PRICKLE2: variants seen among roughly 807,000 people sequenced by gnomAD.
PRICKLE2 encodes the protein prickle-like protein 2.
PRICKLE2 carries 21 observed loss-of-function variants against 81.4 expected under a neutral mutation model. That is an observed-to-expected ratio of 0.26 (90% CI 0.18 to 0.37). The LOEUF (loss-of-function observed/expected upper bound fraction) is 0.37. PRICKLE2 is among the 10% of genes least tolerant of loss of function. The pLI is 1.00. For missense variants in PRICKLE2, 940 were observed against 1,109.0 expected, an observed-to-expected ratio of 0.85 and a Z score of 2.16; for synonymous variants, 456 against 421.5, an observed-to-expected ratio of 1.08 and a Z score of -1.00.
At chr3:64,257,984 T>C (rs1485644782) in intron 2 of PRICKLE2, among the ~76,000 whole-genome samples, 1 of 152,192 alleles carries the variant, frequency 6.6e-6, no homozygotes, top group Non-Finnish European at 1.5e-5. Context: ...TCACCATCTA[T>C]GAACCAGAAA....
At chr3:64,226,786 C>T (rs1410309544), upstream of PRICKLE2, among the ~76,000 whole-genome samples, 4 of 152,122 alleles carry the variant, frequency 2.6e-5, no homozygotes, top group Non-Finnish European at 2.9e-5. Context: ...TGCAGTATCC[C>T]GGGCCAGGAG....
chr3:64,246,077 G>C (rs942677907), intron 2 of PRICKLE2, among the ~76,000 whole-genome samples: 2 of 151,946 alleles, frequency 1.3e-5, no homozygotes, highest in Non-Finnish European at 2.9e-5. Flanking sequence ...AAACCCCTCT[G>C]CAAAAAACAC....
At chr3:64,185,190 A>C (rs112857706) in intron 2 of PRICKLE2, among the ~76,000 whole-genome samples, 1,752 of 152,308 alleles carry the variant, frequency 0.012, 34 homozygotes, top group African/African-American at 0.04. Flanking sequence ...GGATCCAGTG[A>C]GGATGGAGAC....
chr3:64,251,331 T>C (rs1041598640), intron 2 of PRICKLE2, among the ~76,000 whole-genome samples: 5 of 152,116 alleles, frequency 3.3e-5, no homozygotes, highest in Non-Finnish European at 7.4e-5. Context: ...CATCTGAGTG[T>C]CAAAAACAAT....
intron 7 of PRICKLE2, among the ~76,000 whole-genome samples, chr3:64,134,331 C>T (rs74967139): frequency 8.8e-4 from 134 of 152,300 alleles, no homozygotes; most frequent in African/African-American, 3.0e-3. Flanking sequence ...TCCGAAGCAT[C>T]CAGCTGAGGA....
At position 64,174,645 on chromosome 3, in the gene PRICKLE2, G is replaced by C. The variant is rs568172265; in HGVS notation, c.145-11516C>G. On this transcript the variant is annotated intron_variant, in intron 2 of 7. Coordinates refer to ENST00000638394, the MANE Select transcript of PRICKLE2 (RefSeq NM_198859.4). The stretch of plus-strand genomic sequence containing the variant: ...AGAGTTCAAAGATCTAAGCCTTGAT[G>C]ATAATGAGGGGAAATGTTTGGTGCT... 48 of 195,088 alleles carry C rather than the reference G, an allele frequency of 2.5e-4. 1 individual carries two copies. The highest frequency in any genetic ancestry group is 1.9e-3 in the South Asian group (16 of 8,632). The allele number at this position is 195,088 out of a possible 1,614,324, so 12.1% of individuals were successfully genotyped here.
At chr3:64,209,985 C>G (rs541461766) in intron 1 of PRICKLE2, among the ~76,000 whole-genome samples, 156 of 152,216 alleles carry the variant, frequency 1.0e-3, no homozygotes, top group African/African-American at 3.3e-3. Context: ...CACACAGGTC[C>G]TGAGGTGGGG....
chr3:64,267,433 T>G (rs2079728073), intron 2 of PRICKLE2, among the ~76,000 whole-genome samples: 1 of 151,332 alleles, frequency 6.6e-6, no homozygotes, highest in African/African-American at 2.4e-5. Flanking sequence ...TATAAAGGTA[T>G]GTGGGAAGAA....
rs116353694 is a variant in PRICKLE2 at position 64,146,939 on chromosome 3, C to T, written c.1551G>A (p.Gln517=). The change falls in exon 7 of 8, where the codon CAG becomes CAA. Residue 517 remains glutamine (Q), a synonymous_variant. Coordinates refer to ENST00000638394, the MANE Select transcript of PRICKLE2 (RefSeq NM_198859.4). ...AACTGATGGGATGACGGGTCCGACA[C>T]TGCTGAGTGGACAAGCCCCCTTCCT... ...EEEEGGLSTQ[Q]CRTRHPISSL... The T allele has an allele frequency of 2.9e-3, 4,636 of 1,614,114 alleles. 119 individuals are homozygous for T. The African/African-American group carries it at 0.056, about 19-fold the overall frequency.
intron 7 of PRICKLE2, among the ~76,000 whole-genome samples, chr3:64,132,443 TTCTA>T (rs1559528558): frequency 6.6e-6 from 1 of 152,124 alleles, no homozygotes; most frequent in African/African-American, 2.4e-5. Flanking sequence ...AGGCCTCAGT[TTCTA>T]TCTATCTCCT....
intron 7 of PRICKLE2, among the ~76,000 whole-genome samples, chr3:64,108,757 C>A (rs1466322173): frequency 6.6e-6 from 1 of 152,072 alleles, no homozygotes; most frequent in Admixed American, 6.5e-5. Context: ...CTTTGCAACA[C>A]AAGGGTGCTT....
upstream of PRICKLE2, among the ~76,000 whole-genome samples, chr3:64,228,261 A>G (rs2079055669): frequency 6.6e-6 from 1 of 152,212 alleles, no homozygotes; most frequent in Non-Finnish European, 1.5e-5. Context: ...ATCAGAGAGA[A>G]GACAATTAAG....
chr3:64,119,751 G>A (rs2076996578), intron 7 of PRICKLE2, among the ~76,000 whole-genome samples: 1 of 152,166 alleles, frequency 6.6e-6, no homozygotes, highest in Admixed American at 6.5e-5. Context: ...AAAGACACAT[G>A]CACTCATATG....
intron 7 of PRICKLE2, among the ~76,000 whole-genome samples, chr3:64,122,587 G>A (rs2077043399): frequency 6.6e-6 from 1 of 152,144 alleles, no homozygotes; most frequent in African/African-American, 2.4e-5. Flanking sequence ...GCCCTCACTT[G>A]TGGGTGACCC....
At chr3:64,265,332 C>A (rs2079684085) in intron 2 of PRICKLE2, among the ~76,000 whole-genome samples, 1 of 152,118 alleles carries the variant, frequency 6.6e-6, no homozygotes, top group Non-Finnish European at 1.5e-5. Context: ...TCATTATATT[C>A]AACTAGGATT....
rs2076595681 is a variant in PRICKLE2, at chr3:64,098,015, G to C, written c.*1036C>G. On this transcript the variant is annotated 3_prime_UTR_variant, in exon 8 of 8. Coordinates refer to ENST00000638394, the MANE Select transcript of PRICKLE2 (RefSeq NM_198859.4). Reference sequence around the variant, plus strand: ...TTGCTTTGAGGACAACCGGTTGTCAGGCTAAGGCAGCAGTTCTGTCTGCCT... The same window carrying C: ...TTGCTTTGAGGACAACCGGTTGTCACGCTAAGGCAGCAGTTCTGTCTGCCT... 1 of 152,622 alleles carries C rather than the reference G, an allele frequency of 6.6e-6. No homozygotes were observed. The highest frequency in any genetic ancestry group is 2.1e-4 in the South Asian group (1 of 4,834). The allele number at this position is 152,622 out of a possible 1,614,324, so 9.5% of individuals were successfully genotyped here. A position where few individuals can be genotyped will look rare whatever the true frequency, so the allele number is the denominator to read the frequency against.
upstream of PRICKLE2, among the ~76,000 whole-genome samples, chr3:64,226,852 T>A (rs2079038405): frequency 6.6e-6 from 1 of 152,084 alleles, no homozygotes; most frequent in Non-Finnish European, 1.5e-5. Flanking sequence ...GGAAGCACTG[T>A]GAGTGAAAGT....
At chr3:64,158,445 T>G (rs2077674164) in intron 4 of PRICKLE2, among the ~76,000 whole-genome samples, 1 of 149,016 alleles carries the variant, frequency 6.7e-6, no homozygotes, top group Non-Finnish European at 1.5e-5. Context: ...AACCCTCACA[T>G]GAGTCATCAT....
At position 64,267,859 on chromosome 3, in the gene PRICKLE2, G is replaced by A. The variant is rs1348104805; in HGVS notation, c.129-68892C>T. The A allele has an allele frequency of 2.6e-5, 4 of 152,236 alleles. No individual in the cohort carries two copies. In the East Asian group the frequency reaches 5.8e-4, roughly 22 times the overall value. 9.4% of individuals were successfully genotyped at this position (152,236 alleles called of 1,614,324 possible). A position where few individuals can be genotyped will look rare whatever the true frequency, so the allele number is the denominator to read the frequency against. ...AAACCAGGAGCAAACATGCCCCTGC[G>A]CCGCCCTCTGTGCTCCCCGGCTATG... On this transcript the variant is annotated intron_variant, in intron 2 of 8. Transcript: ENST00000295902.
Sources: gnomAD v4.1 joint callset for allele counts (sites outside exome capture counted in the v4.1 genomes callset) on GRCh38, gnomAD v4.1.1 for gene constraint, MANE v1.5 for transcripts, NCBI Gene and HGNC (gene_info 2026-07-23, HGNC 2026-07-21) for gene names.